SEMA6D: variants seen among roughly 807,000 people sequenced by gnomAD.
SEMA6D encodes the protein semaphorin-6D.
A neutral mutation model predicts 106.6 loss-of-function variants in SEMA6D; 35 were observed. That is an observed-to-expected ratio of 0.33 (90% CI 0.25 to 0.44). The LOEUF (loss-of-function observed/expected upper bound fraction) is 0.44, where lower values mean the gene tolerates loss of function less well. SEMA6D is among the 20% of genes least tolerant of loss of function. The pLI, the probability that SEMA6D is intolerant of heterozygous loss-of-function variation, is 1.00. For missense variants in SEMA6D, 1,185 were observed against 1,345.9 expected (o/e 0.88, Z 1.87); for synonymous variants, 499 against 487.7 (o/e 1.02, Z -0.31).
intron 3 of SEMA6D, among the ~76,000 whole-genome samples, chr15:47,504,930 G>A (rs749202561): frequency 1.3e-5 from 2 of 152,166 alleles, no homozygotes; most frequent in African/African-American, 2.4e-5. Flanking sequence ...TGGGAAAAAA[G>A]AGGCATGGAG....
intron 3 of SEMA6D, among the ~76,000 whole-genome samples, chr15:47,596,355 A>G (rs75217488): frequency 0.088 from 13,317 of 152,126 alleles, 874 homozygotes; most frequent in African/African-American, 0.18. Context: ...TGTGCATACT[A>G]CTCAAAGCAA....
At chr15:47,447,333 T>A (rs2042058588) in intron 2 of SEMA6D, among the ~76,000 whole-genome samples, 1 of 152,078 alleles carries the variant, frequency 6.6e-6, no homozygotes, top group Non-Finnish European at 1.5e-5. Context: ...GGTCGTAACT[T>A]TCATCCCACC....
At chr15:47,410,833 T>C (rs190503682) in intron 1 of SEMA6D, among the ~76,000 whole-genome samples, 13 of 152,344 alleles carry the variant, frequency 8.5e-5, no homozygotes, top group African/African-American at 2.4e-4. Context: ...TTTCAGTCTT[T>C]AACAAAACTG....
At chr15:47,443,954 T>C (rs2041952839) in intron 2 of SEMA6D, among the ~76,000 whole-genome samples, 1 of 152,118 alleles carries the variant, frequency 6.6e-6, no homozygotes, top group Non-Finnish European at 1.5e-5. Flanking sequence ...TTGCTAATAA[T>C]AATGATAAAC....
intron 1 of SEMA6D, among the ~76,000 whole-genome samples, chr15:47,319,525 C>T (rs2036839938): frequency 6.6e-6 from 1 of 152,002 alleles, no homozygotes; most frequent in African/African-American, 2.4e-5. Context: ...AAGTATTTCT[C>T]AGGTTTTGTT....
rs202127229 is a variant in SEMA6D at position 47,366,709 on chromosome 15, G to GT, written c.-238-45683dup. Among the ~76,000 whole-genome samples, 552 of 152,330 alleles carry GT rather than the reference G, an allele frequency of 3.6e-3. 7 individuals carry two copies. Among genetic ancestry groups the GT allele is most frequent in the African/African-American group, 0.013 (527 of 41,574 alleles). Reference sequence around the variant, plus strand: ...AAGAGGAATGTTTGTGTAAAAAGACGTAAGTTTATAAAGAGCACAGCTTAT... The same window carrying GT: ...AAGAGGAATGTTTGTGTAAAAAGACGTTAAGTTTATAAAGAGCACAGCTTAT... On this transcript the variant is annotated intron_variant, in intron 1 of 19. Coordinates refer to the SEMA6D transcript ENST00000558014.
At chr15:47,526,953 G>A (rs920442269) in intron 3 of SEMA6D, among the ~76,000 whole-genome samples, 3 of 152,112 alleles carry the variant, frequency 2.0e-5, no homozygotes, top group African/African-American at 4.8e-5. Flanking sequence ...TGGTCAGGCT[G>A]ATCTCGAACT....
intron 1 of SEMA6D, among the ~76,000 whole-genome samples, chr15:47,219,284 G>A (rs905150639): frequency 5.9e-5 from 9 of 152,162 alleles, no homozygotes; most frequent in African/African-American, 1.9e-4. Context: ...CCATAACTGC[G>A]AGAGATGGAC....
At chr15:47,743,805 G>T (rs181238407) in intron 1 of SEMA6D, among the ~76,000 whole-genome samples, 14 of 152,318 alleles carry the variant, frequency 9.2e-5, no homozygotes, top group Admixed American at 6.5e-4. Flanking sequence ...GTTCAGAGAA[G>T]TGGCATCCAA....
chr15:47,602,712 A>T (rs1017936841), intron 4 of SEMA6D, among the ~76,000 whole-genome samples: 2 of 152,098 alleles, frequency 1.3e-5, no homozygotes, highest in African/African-American at 2.4e-5. Flanking sequence ...CCTGGATCTC[A>T]TTATTGCTTC....
chr15:47,215,000 C>T (rs1175203686), intron 1 of SEMA6D, among the ~76,000 whole-genome samples: 3 of 151,572 alleles, frequency 2.0e-5, no homozygotes, highest in African/African-American at 7.3e-5. Context: ...CATGATCTGT[C>T]TATAAGCAGT....
At chr15:47,738,268 G>A (rs374199536) in intron 1 of SEMA6D, among the ~76,000 whole-genome samples, 13 of 152,164 alleles carry the variant, frequency 8.5e-5, no homozygotes, top group African/African-American at 2.9e-4. Context: ...TTCTGTTCCT[G>A]TGTTAGTTTG....
rs752701003 is a variant in SEMA6D at position 47,761,214 on chromosome 15, G to A, written c.339G>A (p.Lys113=). ...GAGAAAACTGTGCTATGAAAGGCAA[G>A]CATAAAGTGAGTGAAACAGAAAAAT... The part of the protein sequence containing the change: ...QDRENCAMKG[K]HKDECHNFIK... Residue 113 remains lysine (K), a synonymous_variant, in exon 5 of 19, where the codon AAG becomes AAA. Transcript: ENST00000536845. 6.2e-7 allele frequency: 1 copy of A among 1,613,680 alleles called. No homozygotes were observed.
At chr15:47,763,252 C>A in intron 9 of SEMA6D, 148 bp downstream of exon 9, 2 of 543,392 alleles carry the variant, frequency 3.7e-6, no homozygotes, top group Non-Finnish European at 6.4e-6. Context: ...GGTTGCTTAT[C>A]ATGAGAATAA....
chr15:47,308,632 GA>G (rs1251300251), intron 1 of SEMA6D, among the ~76,000 whole-genome samples: 6 of 152,174 alleles, frequency 3.9e-5, no homozygotes, highest in African/African-American at 1.4e-4. Flanking sequence ...TGCTCTTACA[GA>G]ACAAGGTTGA....
At chr15:47,501,641 G>A (rs899098844) in intron 3 of SEMA6D, among the ~76,000 whole-genome samples, 13 of 152,258 alleles carry the variant, frequency 8.5e-5, no homozygotes, top group African/African-American at 2.9e-4. Context: ...TGTCAGCAGA[G>A]GGTTTCTGGA....
intron 4 of SEMA6D, among the ~76,000 whole-genome samples, chr15:47,686,773 G>A (rs1453933036): frequency 6.6e-6 from 1 of 152,106 alleles, no homozygotes; most frequent in Non-Finnish European, 1.5e-5. Flanking sequence ...AGTTAAAATT[G>A]TAGATAACTT....
At chr15:47,339,493 T>G (rs1208207566) in intron 1 of SEMA6D, among the ~76,000 whole-genome samples, 1 of 152,162 alleles carries the variant, frequency 6.6e-6, no homozygotes, top group Admixed American at 6.6e-5. Context: ...TGATCGTTGT[T>G]GTGGTGTGAG....
chr15:47,292,371 C>T (rs2035624194), intron 1 of SEMA6D, among the ~76,000 whole-genome samples: 2 of 152,184 alleles, frequency 1.3e-5, no homozygotes, highest in South Asian at 4.2e-4. Context: ...TTCATGATTC[C>T]TTATAAAACG....
Sources: allele counts gnomAD v4.1 joint callset (sites outside exome capture counted in the v4.1 genomes callset), GRCh38; gene constraint gnomAD v4.1.1; transcripts MANE v1.5; gene names NCBI Gene and HGNC (gene_info 2026-07-23, HGNC 2026-07-21).